GRID1: variants seen among roughly 807,000 people sequenced by gnomAD.
The protein encoded by GRID1 is glutamate receptor ionotropic, delta-1.
Under a neutral mutation model 98.0 loss-of-function variants are expected in GRID1, and 28 were observed. The ratio of observed to expected loss-of-function variants is 0.29; its 90% CI spans 0.21 to 0.39. GRID1 has a LOEUF of 0.39. GRID1 is among the 10% of genes least tolerant of loss of function. The probability of loss-of-function intolerance (pLI) is 1.00; values close to 1 mark genes in which losing one functional copy is unlikely to be tolerated. For missense variants in GRID1, 1,111 were observed against 1,340.5 expected, an observed-to-expected ratio of 0.83 and a Z score of 2.67; for synonymous variants, 553 against 538.5, an observed-to-expected ratio of 1.03 and a Z score of -0.37.
At chr10:85,666,857 C>T (rs1055565137) in intron 12 of GRID1, among the ~76,000 whole-genome samples, 21 of 152,178 alleles carry the variant, frequency 1.4e-4, no homozygotes, top group African/African-American at 4.6e-4. Flanking sequence ...TCCCCATCCA[C>T]CCAGGTCTCG....
chr10:85,635,821 C>A (rs909840075), intron 13 of GRID1, among the ~76,000 whole-genome samples: 9 of 152,192 alleles, frequency 5.9e-5, no homozygotes, highest in African/African-American at 1.9e-4. Context: ...AACCAGGAAC[C>A]AGCCTGGCAG....
chr10:85,781,228 A>G (rs1458700938), intron 8 of GRID1, among the ~76,000 whole-genome samples: 1 of 152,222 alleles, frequency 6.6e-6, no homozygotes, highest in South Asian at 2.1e-4. Flanking sequence ...TAAAAAATCA[A>G]TATCAAATTA....
chr10:85,781,399 C>T (rs1189697977), intron 8 of GRID1, among the ~76,000 whole-genome samples: 1 of 152,240 alleles, frequency 6.6e-6, no homozygotes, highest in African/African-American at 2.4e-5. Context: ...AGAAATTAAT[C>T]CTTTGTTCCC....
intron 13 of GRID1, chr10:85,646,137 T>TGTGTGG (rs1209257442): frequency 2.6e-5 from 4 of 153,224 alleles, no homozygotes; most frequent in Admixed American, 6.6e-5. Flanking sequence ...TGTGTGTGTG[T>TGTGTGG]GGCAAGGTGT....
intron 12 of GRID1, among the ~76,000 whole-genome samples, chr10:85,677,965 CTG>C (rs1030123393): frequency 1.3e-5 from 2 of 152,146 alleles, no homozygotes; most frequent in African/African-American, 4.8e-5. Context: ...AAGAAAGCAC[CTG>C]TGTCTACAGA....
At position 85,985,602 on chromosome 10, in the gene GRID1, A is replaced by C. The variant is rs552214906; in HGVS notation, c.727-69363T>G. 7.9e-5 allele frequency among the ~76,000 whole-genome samples: 12 copies of C among 152,316 alleles called. 1 individual carries two copies. The East Asian group carries it at 2.3e-3, about 29-fold the overall frequency. On this transcript the variant is annotated intron_variant, in intron 4 of 15. Coordinates refer to ENST00000327946, the MANE Select transcript of GRID1 (RefSeq NM_017551.3). ...AGCAAGAACCTACATCTGGGTTCCC[A>C]GGATGGCCTCTCAGTGCCTAAGGAG... is the stretch of plus-strand genomic sequence containing the variant.
chr10:86,161,837 T>C (rs760841752), intron 3 of GRID1, among the ~76,000 whole-genome samples: 2 of 152,030 alleles, frequency 1.3e-5, no homozygotes, highest in Non-Finnish European at 2.9e-5. Flanking sequence ...GATAACAACA[T>C]CTCAATCCAC....
At chr10:85,895,307 C>A (rs752840268) in intron 5 of GRID1, among the ~76,000 whole-genome samples, 54 of 152,082 alleles carry the variant, frequency 3.6e-4, no homozygotes, top group African/African-American at 1.1e-3. Context: ...CTCATCCCAA[C>A]CCCCATGATA....
chr10:86,164,058 T>C (rs1845363094), intron 3 of GRID1, among the ~76,000 whole-genome samples: 1 of 152,074 alleles, frequency 6.6e-6, no homozygotes, highest in Non-Finnish European at 1.5e-5. Flanking sequence ...TGGGGAACAG[T>C]TGTCAAAACA....
chr10:85,737,894 T>C (rs1174897669), intron 8 of GRID1, among the ~76,000 whole-genome samples: 1 of 151,652 alleles, frequency 6.6e-6, no homozygotes, highest in Non-Finnish European at 1.5e-5. Flanking sequence ...ATGCAAGAAG[T>C]GTTTCTGCTC....
intron 13 of GRID1, among the ~76,000 whole-genome samples, chr10:85,642,894 A>G (rs139944312): frequency 4.7e-4 from 72 of 152,180 alleles, no homozygotes; most frequent in African/African-American, 1.7e-3. Flanking sequence ...TTCTCTAATG[A>G]CTCATCTCCA....
intron 3 of GRID1, among the ~76,000 whole-genome samples, chr10:86,166,009 C>T (rs142502874): frequency 1.6e-4 from 25 of 152,324 alleles, no homozygotes; most frequent in Middle Eastern, 3.4e-3. Context: ...GAACATTTCA[C>T]ATTCATTACG....
intron 4 of GRID1, among the ~76,000 whole-genome samples, chr10:85,968,833 C>T (rs1013705156): frequency 2.0e-5 from 3 of 152,044 alleles, no homozygotes; most frequent in African/African-American, 7.2e-5. Context: ...ATGGAAGGTG[C>T]TAATCTACTT....
intron 12 of GRID1, among the ~76,000 whole-genome samples, chr10:85,678,980 T>C (rs1039154542): frequency 6.6e-6 from 1 of 152,234 alleles, no homozygotes; most frequent in African/African-American, 2.4e-5. Flanking sequence ...ATAGGTAATC[T>C]ACACCTGACA....
At chr10:86,225,010 C>A (rs57416902) in intron 2 of GRID1, among the ~76,000 whole-genome samples, 47,592 of 152,150 alleles carry the variant, frequency 0.31, 7,865 homozygotes, top group Non-Finnish European at 0.38. Flanking sequence ...GGAATGTTTA[C>A]TGAAGGAGTG....
At chr10:85,801,221 G>A (rs1842574064) in intron 8 of GRID1, among the ~76,000 whole-genome samples, 1 of 151,750 alleles carries the variant, frequency 6.6e-6, no homozygotes, top group South Asian at 2.1e-4. Context: ...AATTCTGTTA[G>A]CTTTTGAAAA....
At chr10:86,284,254 CACACA>C (rs1847398120) in intron 2 of GRID1, among the ~76,000 whole-genome samples, 1 of 152,052 alleles carries the variant, frequency 6.6e-6, no homozygotes, top group African/African-American at 2.4e-5. Context: ...CACACACCTG[CACACA>C]ACACATCTGC....
chr10:85,798,242 T>C lies in GRID1; in HGVS notation c.1233+56254A>G, dbSNP rs148873071. Among the ~76,000 whole-genome samples the C allele has an allele frequency of 5.7e-3, 873 of 152,328 alleles. 8 individuals are homozygous for C. Among genetic ancestry groups the C allele is most frequent in the African/African-American group, 0.02 (839 of 41,570 alleles). On this transcript the variant is annotated intron_variant, in intron 8 of 15. Coordinates refer to ENST00000327946, the MANE Select transcript of GRID1 (RefSeq NM_017551.3). The stretch of plus-strand genomic sequence containing the variant: ...GAAAAAATATCTGCTATGTCTTCTT[T>C]GCAAATTTTGCTTTAAGGAGGCTGA...
intron 12 of GRID1, among the ~76,000 whole-genome samples, chr10:85,649,350 AAT>A (rs1374734746): frequency 8.5e-5 from 13 of 152,352 alleles, no homozygotes; most frequent in South Asian, 2.1e-4. Context: ...GGAAACATAA[AAT>A]AACAAATTCG....
Sources: allele counts gnomAD v4.1 joint callset (sites outside exome capture counted in the v4.1 genomes callset), GRCh38; gene constraint gnomAD v4.1.1; transcripts MANE v1.5; gene names NCBI Gene and HGNC (gene_info 2026-07-23, HGNC 2026-07-21).